NXPH1: variants seen among roughly 807,000 people sequenced by gnomAD.
The protein encoded by NXPH1 is neurexophilin 1.
NXPH1 carries 5 observed loss-of-function variants against 23.7 expected under a neutral mutation model. The observed-to-expected ratio is 0.21, with a 90% CI of 0.11 to 0.44. NXPH1 has a LOEUF of 0.44. NXPH1 is among the 20% of genes least tolerant of loss of function. The probability of loss-of-function intolerance (pLI) is 0.99; values close to 1 mark genes in which losing one functional copy is unlikely to be tolerated. For synonymous variants in NXPH1, 144 were observed against 122.2 expected, an observed-to-expected ratio of 1.18 and a Z score of -1.18; for missense variants, 324 against 321.6, an observed-to-expected ratio of 1.01 and a Z score of -0.06.
intron 2 of NXPH1, among the ~76,000 whole-genome samples, chr7:8,687,108 T>G (rs2115180911): frequency 6.6e-6 from 1 of 152,242 alleles, no homozygotes; most frequent in South Asian, 2.1e-4. Context: ...GTAAAGGCTG[T>G]TCATTACCTT....
At chr7:8,594,558 G>C (rs1159811461) in intron 2 of NXPH1, among the ~76,000 whole-genome samples, 2 of 151,936 alleles carry the variant, frequency 1.3e-5, no homozygotes, top group Admixed American at 6.6e-5. Flanking sequence ...CTTGTTTGTG[G>C]GACAAGGCTG....
At position 8,663,510 on chromosome 7, in the gene NXPH1, T is replaced by C. The variant is rs114362066; in HGVS notation, c.55-87498T>C. ...TAAAATTAACTGGTTGTATGTGTAA[T>C]TGCAAACAAATAATAGCTAAAGCCG... On this transcript the variant is annotated intron_variant, in intron 2 of 2. Coordinates refer to ENST00000405863, the MANE Select transcript of NXPH1 (RefSeq NM_152745.3). Among the ~76,000 whole-genome samples the C allele has an allele frequency of 6.3e-3, 965 of 152,202 alleles. 9 individuals are homozygous for C. The highest frequency in any genetic ancestry group is 0.022 in the African/African-American group (922 of 41,556).
At chr7:8,486,553 T>C (rs570740568) in intron 2 of NXPH1, among the ~76,000 whole-genome samples, 2 of 152,290 alleles carry the variant, frequency 1.3e-5, no homozygotes, top group African/African-American at 4.8e-5. Context: ...ATTTAACTTT[T>C]CTCAATCATT....
intron 2 of NXPH1, among the ~76,000 whole-genome samples, chr7:8,574,633 T>G (rs2128622669): frequency 6.6e-6 from 1 of 152,236 alleles, no homozygotes; most frequent in Admixed American, 6.5e-5. Flanking sequence ...TCACATGTAC[T>G]TAGTGGGTGG....
At chr7:8,558,925 AAAAAC>A (rs2128620485) in intron 2 of NXPH1, among the ~76,000 whole-genome samples, 3 of 116,302 alleles carry the variant, frequency 2.6e-5, no homozygotes, top group African/African-American at 1.4e-4. Flanking sequence ...GGAAAAAATT[AAAAAC>A]AATAGAATAT....
At chr7:8,532,674 C>G (rs1817967214) in intron 2 of NXPH1, among the ~76,000 whole-genome samples, 1 of 152,064 alleles carries the variant, frequency 6.6e-6, no homozygotes, top group Admixed American at 6.6e-5. Flanking sequence ...TCTTGGGCTC[C>G]ATCACAGAGA....
chr7:8,452,486 G>C (rs1290534159), intron 2 of NXPH1, among the ~76,000 whole-genome samples: 1 of 152,090 alleles, frequency 6.6e-6, no homozygotes, highest in Non-Finnish European at 1.5e-5. Flanking sequence ...TGACAGCCTT[G>C]ATTTTTCATC....
At chr7:8,517,547 G>A (rs191701762) in intron 2 of NXPH1, among the ~76,000 whole-genome samples, 1 of 152,160 alleles carries the variant, frequency 6.6e-6, no homozygotes, top group Non-Finnish European at 1.5e-5. Flanking sequence ...GTTTGGTTAT[G>A]TTGCTTAAGA....
chr7:8,496,498 A>T (rs547363758), intron 2 of NXPH1, among the ~76,000 whole-genome samples: 1 of 152,232 alleles, frequency 6.6e-6, no homozygotes, highest in South Asian at 2.1e-4. Flanking sequence ...AAGAGTGGGC[A>T]GAAGAGCCTT....
At chr7:8,678,229 T>G (rs1388585620) in intron 2 of NXPH1, among the ~76,000 whole-genome samples, 1 of 152,152 alleles carries the variant, frequency 6.6e-6, no homozygotes, top group African/African-American at 2.4e-5. Context: ...CTCACCAAGT[T>G]ATGGGTTCAG....
At chr7:8,504,048 C>T (rs1347836495) in intron 2 of NXPH1, among the ~76,000 whole-genome samples, 2 of 152,024 alleles carry the variant, frequency 1.3e-5, no homozygotes, top group Non-Finnish European at 2.9e-5. Flanking sequence ...AACTTTGTTT[C>T]TGCCCTGCCC....
At chr7:8,469,426 C>T (rs555464598) in intron 2 of NXPH1, among the ~76,000 whole-genome samples, 8 of 152,082 alleles carry the variant, frequency 5.3e-5, no homozygotes, top group African/African-American at 1.7e-4. Flanking sequence ...CAGCAGCTCT[C>T]AGTTTTGTGA....
intron 2 of NXPH1, among the ~76,000 whole-genome samples, chr7:8,653,126 T>G (rs1003587766): frequency 6.6e-6 from 1 of 152,198 alleles, no homozygotes; most frequent in African/African-American, 2.4e-5. Flanking sequence ...GCTTTTTTTT[T>G]CAAGGCTTTG....
chr7:8,614,461 TATATGTCTATAGATTTTATGC>T (rs1390625380), intron 2 of NXPH1, among the ~76,000 whole-genome samples: 4 of 151,958 alleles, frequency 2.6e-5, no homozygotes, highest in Non-Finnish European at 4.4e-5. Context: ...TAGATATATG[TATATGTCTATAGATTTTATGC>T]ATATGTCTAT....
rs1818875313 is a variant in NXPH1, at chr7:8,581,640, C to T, written c.54+145873C>T. 2.0e-5 allele frequency among the ~76,000 whole-genome samples: 3 copies of T among 152,140 alleles called. No homozygotes were observed. The South Asian group carries it at 6.2e-4, about 32-fold the overall frequency. ...ATCCAAACCATATCCTAATGATTAG[C>T]ACAACATGCTGGAGTCTTCACAGAG... On this transcript the variant is annotated intron_variant, in intron 2 of 2. Transcript: ENST00000405863.
intron 2 of NXPH1, among the ~76,000 whole-genome samples, chr7:8,439,417 C>A (rs1191137109): frequency 6.6e-6 from 1 of 152,078 alleles, no homozygotes; most frequent in Non-Finnish European, 1.5e-5. Context: ...AGAGGTGAGT[C>A]TAATGAGCAC....
At chr7:8,746,581 T>C (rs1050951124) in intron 2 of NXPH1, among the ~76,000 whole-genome samples, 1 of 152,246 alleles carries the variant, frequency 6.6e-6, no homozygotes, top group Admixed American at 6.5e-5. Flanking sequence ...AATATATGCT[T>C]GCTTTCTTTC....
At chr7:8,623,562 A>C (rs1819921329) in intron 2 of NXPH1, among the ~76,000 whole-genome samples, 1 of 151,768 alleles carries the variant, frequency 6.6e-6, no homozygotes, top group African/African-American at 2.4e-5. Flanking sequence ...ACAAACAAAA[A>C]ACCAAAAGCT....
intron 2 of NXPH1, among the ~76,000 whole-genome samples, chr7:8,590,393 A>C (rs1353315279): frequency 6.6e-6 from 1 of 152,094 alleles, no homozygotes; most frequent in Admixed American, 6.6e-5. Flanking sequence ...CATATAAAAC[A>C]GTCGACTGGC....
Sources: allele counts gnomAD v4.1 joint callset (sites outside exome capture counted in the v4.1 genomes callset), GRCh38; gene constraint gnomAD v4.1.1; transcripts MANE v1.5; gene names NCBI Gene and HGNC (gene_info 2026-07-23, HGNC 2026-07-21).